Variants in MBP observed in about 807,000 individuals in gnomAD.
MBP encodes myelin basic protein.
MBP carries 16 observed loss-of-function variants against 35.8 expected under a neutral mutation model. That is an observed-to-expected ratio of 0.45 (90% CI 0.30 to 0.68). The LOEUF (loss-of-function observed/expected upper bound fraction) is 0.68. Among genes scored for constraint, MBP ranks in the 30% least tolerant of loss-of-function variants. The probability of loss-of-function intolerance (pLI) is 0.08; values close to 1 mark genes in which losing one functional copy is unlikely to be tolerated. For missense variants in MBP, 380 were observed against 404.7 expected, an observed-to-expected ratio of 0.94 and a Z score of 0.52; for synonymous variants, 143 against 159.6, an observed-to-expected ratio of 0.90 and a Z score of 0.78.
rs372158144 is a variant in MBP at position 76,984,912 on chromosome 18, G to T, written c.751-18C>A. 3 of 1,611,876 alleles carry T rather than the reference G, an allele frequency of 1.9e-6. No homozygotes were observed. In the African/African-American group the frequency reaches 4.0e-5, roughly 22 times the overall value. On this transcript the variant is annotated intron_variant, in intron 7 of 8. Transcript: ENST00000355994. ...TCGGCCCCCTGCAAGAGAAGACCAC[G>T]GAGCTCAACCTCCACCCGCGGTGCT...
intron 2 of MBP, among the ~76,000 whole-genome samples, chr18:77,100,529 GT>G (rs1975960996): frequency 6.7e-6 from 1 of 148,976 alleles, no homozygotes; most frequent in East Asian, 2.0e-4. Flanking sequence ...GTGTGTGTGT[GT>G]GTGTGTGTGT....
chr18:77,001,819 C>T (rs1026901272), intron 4 of MBP, among the ~76,000 whole-genome samples: 5 of 152,078 alleles, frequency 3.3e-5, no homozygotes, highest in Admixed American at 6.5e-5. Flanking sequence ...CACTGCACTC[C>T]AGCCTGGGTG....
In MBP at chr18:77,131,336, G is replaced by C. The variant is rs1977264580; in HGVS notation, c.-26+1244C>G. On this transcript the variant is annotated intron_variant, in intron 1 of 8. Transcript: ENST00000355994. This position sits in a 1 kb window ranked among gnomAD's most constrained non-coding sequence, Gnocchi z 5.5. ...TAAACTGTCCCCCGGAGCTTCGCCA[G>C]ATAAAATGTCCAAAACACACACTGG... is the stretch of plus-strand genomic sequence containing the variant. 1.3e-5 allele frequency among the ~76,000 whole-genome samples: 2 copies of C among 152,132 alleles called. No individual in the cohort carries two copies. Among genetic ancestry groups the C allele is most frequent in the Non-Finnish European group, 1.5e-5 (1 of 68,014 alleles).
intron 3 of MBP, among the ~76,000 whole-genome samples, chr18:77,047,170 G>A (rs76842942): frequency 1.6e-3 from 241 of 152,340 alleles, no homozygotes; most frequent in African/African-American, 4.7e-3. Context: ...CTATGTCCAC[G>A]GGAAACCCTG....
intron 2 of MBP, among the ~76,000 whole-genome samples, chr18:77,069,580 T>G (rs569733853): frequency 6.6e-6 from 1 of 152,120 alleles, no homozygotes; most frequent in Admixed American, 6.5e-5. Context: ...AGTAGAACAA[T>G]GCCGCATCTT....
intron 1 of MBP, among the ~76,000 whole-genome samples, chr18:77,120,582 G>A (rs1270485346): frequency 6.6e-6 from 1 of 152,220 alleles, no homozygotes; most frequent in Non-Finnish European, 1.5e-5. Context: ...CTTTCTCTGG[G>A]CCTCCAGACT....
In MBP at chr18:77,022,047, C is replaced by T. The variant is rs56109001; in HGVS notation, c.140-4779G>A. On this transcript the variant is annotated intron_variant, in intron 3 of 8. Coordinates refer to ENST00000355994, the MANE Select transcript of MBP (RefSeq NM_001025101.2). ...GCTGATAGTCGTGGATGTTTGCACA[C>T]TTACAACTCTCGCTCATTGGAAAAA... Among the ~76,000 whole-genome samples, 1,069 of 152,290 alleles carry T rather than the reference C, an allele frequency of 7.0e-3. 9 individuals are homozygous for T. The highest frequency in any genetic ancestry group is 0.012 in the Non-Finnish European group (786 of 68,026).
At chr18:76,986,220 A>ATT (rs1969551883) in intron 7 of MBP, 1 of 985,250 alleles carries the variant, frequency 1.0e-6, no homozygotes, top group Admixed American at 6.2e-5. Context: ...TGCACTTTAC[A>ATT]TTTTGCCAAC....
rs144451854 is a variant in MBP at position 77,013,240 on chromosome 18, T to C, written c.576+3592A>G. 1,671 of 985,412 alleles carry C rather than the reference T, an allele frequency of 1.7e-3. 57 individuals carry two copies. In the South Asian group the frequency reaches 0.063, roughly 37 times the overall value. The allele number at this position is 985,412 out of a possible 1,614,324, so 61.0% of individuals were successfully genotyped here. A position where few individuals can be genotyped will look rare whatever the true frequency, so the allele number is the denominator to read the frequency against. On this transcript the variant is annotated intron_variant, in intron 4 of 8. Coordinates refer to ENST00000355994, the MANE Select transcript of MBP (RefSeq NM_001025101.2). Reference sequence around the variant, plus strand: ...TCTCTTATCCAATGGAGGTACTGAGTGGCTGGATCAGTTACCATGCAAGCT... The same window carrying C: ...TCTCTTATCCAATGGAGGTACTGAGCGGCTGGATCAGTTACCATGCAAGCT...
intron 1 of MBP, among the ~76,000 whole-genome samples, chr18:77,129,239 T>C (rs552745990): frequency 1.3e-5 from 2 of 152,266 alleles, no homozygotes; most frequent in African/African-American, 2.4e-5. Flanking sequence ...AACGCAGTGC[T>C]ATTCACAGAG....
intron 1 of MBP, among the ~76,000 whole-genome samples, chr18:77,119,415 C>G (rs2145210789): frequency 6.6e-6 from 1 of 152,260 alleles, no homozygotes; most frequent in East Asian, 1.9e-4. Flanking sequence ...ACAGCAGGCA[C>G]ATGGTACACA....
intron 2 of MBP, among the ~76,000 whole-genome samples, chr18:77,081,817 T>TACACACACACAC (rs1301713665): frequency 0.035 from 1,856 of 52,354 alleles, 60 homozygotes; most frequent in East Asian, 0.13. Flanking sequence ...CACACACATA[T>TACACACACACAC]ATACACACAC....
rs540057348 is a variant in MBP, at chr18:77,104,335, A to G, written c.51+876T>C. On this transcript the variant is annotated intron_variant, in intron 2 of 8. Coordinates refer to ENST00000355994, the MANE Select transcript of MBP (RefSeq NM_001025101.2). ...GAGGGCAAAGACCCTGGCAGGTCTG[A>G]AGTCTCTGGGAGATTCCAATATGCA... Among the ~76,000 whole-genome samples the G allele has an allele frequency of 2.5e-3, 381 of 152,352 alleles. 1 individual carries two copies. Among genetic ancestry groups the G allele is most frequent in the Admixed American group, 4.1e-3 (63 of 15,306 alleles).
intron 1 of MBP, among the ~76,000 whole-genome samples, chr18:77,111,488 C>G (rs994829991): frequency 4.6e-5 from 7 of 152,246 alleles, no homozygotes; most frequent in African/African-American, 1.4e-4. Context: ...ACGCTAAAGG[C>G]CAGGCAGGGG....
chr18:77,131,034 A>AAAC lies in MBP; in HGVS notation c.-26+1545_-26+1546insGTT, dbSNP rs1977231996. 6.7e-6 allele frequency among the ~76,000 whole-genome samples: 1 copy of AAAC among 149,286 alleles called. No individual in the cohort carries two copies. Among genetic ancestry groups the AAAC allele is most frequent in the African/African-American group, 2.5e-5 (1 of 40,632 alleles). ...ATTTCTGTTTTTCCCACAAAAAAAAAAAAAAAACAAAACCTCAAAAAACAA... is the reference window on the plus strand; with the variant it reads ...ATTTCTGTTTTTCCCACAAAAAAAAAAACAAAAAAACAAAACCTCAAAAAACAA... On this transcript the variant is annotated intron_variant, in intron 1 of 8. Coordinates refer to ENST00000355994, the MANE Select transcript of MBP (RefSeq NM_001025101.2). This position sits in a 1 kb window ranked among gnomAD's most constrained non-coding sequence, Gnocchi z 5.5.
At chr18:77,052,082 GC>G (rs759480054) in intron 3 of MBP, among the ~76,000 whole-genome samples, 6 of 152,156 alleles carry the variant, frequency 3.9e-5, no homozygotes, top group Non-Finnish European at 7.3e-5. Context: ...AGTGCAAGCT[GC>G]CCTCCCGAGA....
At chr18:77,057,645 C>A (rs2974264) in intron 3 of MBP, among the ~76,000 whole-genome samples, 2 of 152,194 alleles carry the variant, frequency 1.3e-5, no homozygotes, top group South Asian at 4.1e-4. Flanking sequence ...TTACTAAAGT[C>A]TTGTAGCTTA....
chr18:76,984,927 C>A, intron 7 of MBP, 33 bp from the exon 8 acceptor site: 1 of 1,610,126 alleles, frequency 6.2e-7, no homozygotes, highest in Non-Finnish European at 8.5e-7. Context: ...TCAACCTCCA[C>A]CCGCGGTGCT....
intron 3 of MBP, among the ~76,000 whole-genome samples, chr18:77,054,225 C>T (rs989076299): frequency 1.6e-4 from 25 of 152,246 alleles, no homozygotes; most frequent in African/African-American, 6.0e-4. Flanking sequence ...TCACCTTGAG[C>T]CTCAGAGATT....
Sources: allele counts gnomAD v4.1 joint callset (sites outside exome capture counted in the v4.1 genomes callset), GRCh38; gene constraint gnomAD v4.1.1; non-coding constraint Gnocchi (gnomAD v3.1); transcripts MANE v1.5; gene names NCBI Gene and HGNC (gene_info 2026-07-23, HGNC 2026-07-21).